Variants in TRIQK observed in about 807,000 individuals in gnomAD.
The protein encoded by TRIQK is triple QxxK/R motif-containing protein.
Under a neutral mutation model 10.8 loss-of-function variants are expected in TRIQK, and 10 were observed. That is an observed-to-expected ratio of 0.92 (90% CI 0.57 to 1.57). The LOEUF (loss-of-function observed/expected upper bound fraction) is 1.57, where lower values mean the gene tolerates loss of function less well. Among genes scored for constraint, TRIQK ranks in the 40% most tolerant of loss-of-function variants. TRIQK has a pLI of 0.00. For synonymous variants in TRIQK, 33 were observed against 33.7 expected (o/e 0.98, Z 0.07); for missense variants, 107 against 97.7 (o/e 1.09, Z -0.40).
At chr8:92,997,338 T>C (rs1813162521) in intron 1 of TRIQK, among the ~76,000 whole-genome samples, 2 of 152,012 alleles carry the variant, frequency 1.3e-5, no homozygotes, top group African/African-American at 4.8e-5. Flanking sequence ...TTACAGTACA[T>C]GTGAGATATT....
intron 2 of TRIQK, among the ~76,000 whole-genome samples, chr8:92,952,347 A>T (rs780036952): frequency 3.3e-5 from 5 of 151,944 alleles, no homozygotes; most frequent in Non-Finnish European, 4.4e-5. Context: ...TAGATTGAAC[A>T]CTAGCTGAGG....
chr8:92,992,794 C>T (rs946235562), intron 1 of TRIQK, among the ~76,000 whole-genome samples: 5 of 152,080 alleles, frequency 3.3e-5, no homozygotes, highest in Non-Finnish European at 7.4e-5. Flanking sequence ...GTAAAACCTC[C>T]GGCACCCCAG....
At chr8:92,934,069 G>A (rs1002054004) in intron 2 of TRIQK, among the ~76,000 whole-genome samples, 7 of 151,954 alleles carry the variant, frequency 4.6e-5, no homozygotes, top group African/African-American at 1.7e-4. Context: ...TATTATTTTT[G>A]TAATGGTGGC....
chr8:92,977,041 T>C (rs562030957), intron 1 of TRIQK, among the ~76,000 whole-genome samples: 43 of 152,084 alleles, frequency 2.8e-4, no homozygotes, highest in African/African-American at 9.6e-4. Flanking sequence ...TGTGAAAAAA[T>C]GTATATTTAC....
chr8:92,922,708 G>C (rs955513449), intron 2 of TRIQK: 1 of 151,686 alleles, frequency 6.6e-6, no homozygotes, highest in Admixed American at 6.6e-5. Context: ...TTATGCCACG[G>C]AAAAATCTAA....
chr8:93,009,738 A>T (rs1231072365), intron 1 of TRIQK, among the ~76,000 whole-genome samples: 1 of 152,132 alleles, frequency 6.6e-6, no homozygotes, highest in Non-Finnish European at 1.5e-5. Flanking sequence ...CAAAAAATTA[A>T]AAATAGAACT....
At chr8:92,969,429 A>G (rs1812851609), upstream of TRIQK, among the ~76,000 whole-genome samples, 1 of 152,124 alleles carries the variant, frequency 6.6e-6, no homozygotes, top group Non-Finnish European at 1.5e-5. Context: ...TGACACATAT[A>G]TTATAACCCA....
At chr8:92,961,081 G>C (rs949887329) in intron 1 of TRIQK, among the ~76,000 whole-genome samples, 1 of 152,172 alleles carries the variant, frequency 6.6e-6, no homozygotes, top group African/African-American at 2.4e-5. Context: ...TCCTTCCTTA[G>C]CTTAAAATTA....
intron 2 of TRIQK, among the ~76,000 whole-genome samples, chr8:92,949,827 AAAGAAAGAAAGAAAGG>A (rs1250395389): frequency 3.2e-5 from 4 of 126,706 alleles, no homozygotes; most frequent in African/African-American, 1.2e-4. Flanking sequence ...AGAAAGAAAG[AAAGAAAGAAAGAAAGG>A]GAGAGAAAAG....
chr8:93,011,205 C>CAT (rs373752738), intron 1 of TRIQK, among the ~76,000 whole-genome samples: 3,721 of 121,418 alleles, frequency 0.031, 79 homozygotes, highest in South Asian at 0.092. Flanking sequence ...CACACACACA[C>CAT]ATATATATAT....
chr8:92,901,962 T>C (rs1808963290), intron 3 of TRIQK, among the ~76,000 whole-genome samples: 1 of 152,210 alleles, frequency 6.6e-6, no homozygotes, highest in African/African-American at 2.4e-5. Context: ...CATGGTTCAA[T>C]CTTAGTGAGT....
chr8:92,992,529 G>C (rs1813105873), intron 1 of TRIQK, among the ~76,000 whole-genome samples: 1 of 152,204 alleles, frequency 6.6e-6, no homozygotes, highest in Admixed American at 6.5e-5. Context: ...CTGAGAGAAA[G>C]CCAGGATACT....
upstream of TRIQK, among the ~76,000 whole-genome samples, chr8:92,970,230 G>A (rs1812860332): frequency 6.6e-6 from 1 of 152,102 alleles, no homozygotes. Flanking sequence ...TCTTTGCTAT[G>A]GTGCATAGTG....
At chr8:92,971,357 C>T (rs1812875822) in intron 1 of TRIQK, among the ~76,000 whole-genome samples, 1 of 152,112 alleles carries the variant, frequency 6.6e-6, no homozygotes, top group South Asian at 2.1e-4. Flanking sequence ...GTCAAACTGT[C>T]TCTGTTTGCA....
chr8:92,966,980 CAAA>C (rs10655820), upstream of TRIQK, among the ~76,000 whole-genome samples: 4 of 68,844 alleles, frequency 5.8e-5, no homozygotes, highest in Non-Finnish European at 1.0e-4. Context: ...AAGTAGCATA[CAAA>C]AAAAAAAAAA....
At chr8:92,984,951 C>A (rs1022956486) in intron 1 of TRIQK, among the ~76,000 whole-genome samples, 1 of 152,088 alleles carries the variant, frequency 6.6e-6, no homozygotes, top group Non-Finnish European at 1.5e-5. Flanking sequence ...GCTCTTGTTA[C>A]TTCTGAGATA....
rs577993294 is a variant in TRIQK at position 92,945,511 on chromosome 8, G to T, written c.-22+8895C>A. Among the ~76,000 whole-genome samples the T allele has an allele frequency of 5.3e-5, 8 of 152,314 alleles. No individual in the cohort carries two copies. In the East Asian group the frequency reaches 1.5e-3, roughly 29 times the overall value. On this transcript the variant is annotated intron_variant, in intron 2 of 4. Coordinates refer to ENST00000521988, the MANE Select transcript of TRIQK (RefSeq NM_001171797.2). ...AATGAGAGATAGGAAGATGTTGGCA[G>T]ATAAATTATTTTTCTTCCTCAATCT...
chr8:92,984,109 T>C (rs1813010609), intron 1 of TRIQK, among the ~76,000 whole-genome samples: 1 of 152,072 alleles, frequency 6.6e-6, no homozygotes, highest in African/African-American at 2.4e-5. Flanking sequence ...GGCATTATTT[T>C]TGCTAATGAA....
intron 1 of TRIQK, among the ~76,000 whole-genome samples, chr8:92,992,400 G>A (rs931726703): frequency 2.0e-5 from 3 of 152,184 alleles, no homozygotes; most frequent in Non-Finnish European, 4.4e-5. Flanking sequence ...AACAATATCA[G>A]TCTACCACTG....
Sources: gnomAD v4.1 joint callset for allele counts (sites outside exome capture counted in the v4.1 genomes callset) on GRCh38, gnomAD v4.1.1 for gene constraint, MANE v1.5 for transcripts, NCBI Gene and HGNC (gene_info 2026-07-23, HGNC 2026-07-21) for gene names.